Variants in PSMA1 observed in about 807,000 individuals in gnomAD.
The protein encoded by PSMA1 is proteasome subunit alpha type-1.
PSMA1 carries 3 observed loss-of-function variants against 38.4 expected under a neutral mutation model. That is an observed-to-expected ratio of 0.08 (90% confidence interval 0.04 to 0.20). The LOEUF (loss-of-function observed/expected upper bound fraction) is 0.20, where lower values mean the gene tolerates loss of function less well. PSMA1 is among the 10% of genes least tolerant of loss of function. The pLI is 1.00. For synonymous variants in PSMA1, 101 were observed against 107.1 expected, an observed-to-expected ratio of 0.94 and a Z score of 0.35; for missense variants, 227 against 325.3, an observed-to-expected ratio of 0.70 and a Z score of 2.32.
intron 2 of PSMA1, among the ~76,000 whole-genome samples, chr11:14,578,698 G>A (rs1349614856): frequency 6.6e-6 from 1 of 152,230 alleles, no homozygotes; most frequent in East Asian, 1.9e-4. Context: ...TAAACAGGAA[G>A]TAGAGAAGGT....
intron 2 of PSMA1, among the ~76,000 whole-genome samples, chr11:14,560,217 G>A (rs912306348): frequency 3.9e-5 from 6 of 152,176 alleles, no homozygotes; most frequent in Admixed American, 6.5e-5. Flanking sequence ...TACAGCCAAT[G>A]CTTTGTGTTG....
chr11:14,615,784 T>C (rs1010588894), intron 1 of PSMA1, among the ~76,000 whole-genome samples: 1 of 152,174 alleles, frequency 6.6e-6, no homozygotes, highest in African/African-American at 2.4e-5. Context: ...GTATTCCAAT[T>C]GTTTTAGCCT....
chr11:14,514,190 A>G, intron 5 of PSMA1: 2 of 1,342,878 alleles, frequency 1.5e-6, no homozygotes, highest in African/African-American at 1.5e-5. Context: ...TCCCCTCTAA[A>G]AAGATGCTTA....
intron 1 of PSMA1, among the ~76,000 whole-genome samples, chr11:14,628,790 A>G (rs1348981019): frequency 7.2e-6 from 1 of 139,036 alleles, no homozygotes; most frequent in East Asian, 2.1e-4. Flanking sequence ...CCAACAGTGT[A>G]AAAGTGTTCC....
intron 1 of PSMA1, among the ~76,000 whole-genome samples, chr11:14,641,226 T>C (rs1367604686): frequency 2.0e-5 from 3 of 149,902 alleles, no homozygotes; most frequent in Non-Finnish European, 4.5e-5. Flanking sequence ...TCAGGTAAAA[T>C]AAGGATGGGG....
chr11:14,629,661 G>C (rs1170700030), intron 1 of PSMA1, among the ~76,000 whole-genome samples: 2 of 152,100 alleles, frequency 1.3e-5, no homozygotes, highest in South Asian at 2.1e-4. Flanking sequence ...GCTCTTTTTT[G>C]GTTCCGTATG....
intron 2 of PSMA1, among the ~76,000 whole-genome samples, chr11:14,570,942 G>A (rs1852132151): frequency 6.6e-6 from 1 of 152,120 alleles, no homozygotes; most frequent in Non-Finnish European, 1.5e-5. Flanking sequence ...AAATGTTAAG[G>A]GCAGCAAGAG....
At chr11:14,513,795 T>G (rs1189541464) in intron 6 of PSMA1, 22 bp downstream of exon 6, 3 of 1,568,310 alleles carry the variant, frequency 1.9e-6, no homozygotes, top group Non-Finnish European at 2.6e-6. Flanking sequence ...CATTAACATA[T>G]AACAATATTC....
At chr11:14,548,431 C>T (rs1851851364) in intron 2 of PSMA1, among the ~76,000 whole-genome samples, 1 of 151,984 alleles carries the variant, frequency 6.6e-6, no homozygotes, top group East Asian at 1.9e-4. Flanking sequence ...TGTGTGTGTG[C>T]ATGTATACAC....
chr11:14,555,024 T>C (rs1851927604), intron 2 of PSMA1, among the ~76,000 whole-genome samples: 3 of 152,246 alleles, frequency 2.0e-5, no homozygotes. Flanking sequence ...TCACCTATGT[T>C]GAGAGACATG....
intron 2 of PSMA1, among the ~76,000 whole-genome samples, chr11:14,568,880 G>C (rs1042420709): frequency 6.6e-6 from 1 of 152,156 alleles, no homozygotes; most frequent in South Asian, 2.1e-4. Context: ...AATCTCACCT[G>C]TGTGCCACAA....
At chr11:14,564,669 A>G (rs866403137) in intron 2 of PSMA1, among the ~76,000 whole-genome samples, 4 of 151,848 alleles carry the variant, frequency 2.6e-5, no homozygotes, top group African/African-American at 9.7e-5. Flanking sequence ...TGTATGAGTG[A>G]TTTGTCTTTT....
At chr11:14,517,768 G>GTA in intron 3 of PSMA1, 23 bp from the exon 4 acceptor site, 1 of 1,220,868 alleles carries the variant, frequency 8.2e-7, no homozygotes, top group South Asian at 1.4e-5. Flanking sequence ...ATTATAAGAT[G>GTA]TAAAAAAAAA....
At chr11:14,607,943 A>G (rs1031853507) in intron 2 of PSMA1, among the ~76,000 whole-genome samples, 12 of 152,164 alleles carry the variant, frequency 7.9e-5, no homozygotes, top group Non-Finnish European at 1.5e-4. Context: ...TCAGTCCATT[A>G]TGATCCTCAC....
At chr11:14,573,657 G>C (rs1852176670) in intron 2 of PSMA1, among the ~76,000 whole-genome samples, 1 of 152,116 alleles carries the variant, frequency 6.6e-6, no homozygotes, top group South Asian at 2.1e-4. Context: ...TGGAAGTTCT[G>C]GCCAGGGCAA....
chr11:14,604,942 T>C (rs1343293681), intron 2 of PSMA1, among the ~76,000 whole-genome samples: 2 of 152,228 alleles, frequency 1.3e-5, no homozygotes, highest in Non-Finnish European at 2.9e-5. Flanking sequence ...ATTTTCTTTA[T>C]CCAATCCACC....
chr11:14,592,376 C>CTATA (rs71044013), intron 2 of PSMA1, among the ~76,000 whole-genome samples: 6,235 of 122,148 alleles, frequency 0.051, 229 homozygotes, highest in Admixed American at 0.11. Flanking sequence ...CTCTCTCTCT[C>CTATA]TATATATATA....
At chr11:14,581,929 G>T (rs1329166776) in intron 2 of PSMA1, among the ~76,000 whole-genome samples, 1 of 152,196 alleles carries the variant, frequency 6.6e-6, no homozygotes, top group Non-Finnish European at 1.5e-5. Flanking sequence ...AATAACCCCA[G>T]TAGAAGGTCC....
At chr11:14,592,054 T>C (rs1280004956) in intron 2 of PSMA1, among the ~76,000 whole-genome samples, 1 of 151,410 alleles carries the variant, frequency 6.6e-6, no homozygotes, top group Non-Finnish European at 1.5e-5. Flanking sequence ...CATGCTGCCT[T>C]AAGAGCTGTA....
Sources: allele counts gnomAD v4.1 joint callset (sites outside exome capture counted in the v4.1 genomes callset), GRCh38; gene constraint gnomAD v4.1.1; transcripts MANE v1.5; gene names NCBI Gene and HGNC (gene_info 2026-07-23, HGNC 2026-07-21).